The following CDKN2B-AS1 variants were observed in gnomAD, a reference collection of about 807,000 sequenced individuals.
The protein encoded by CDKN2B-AS1 is CDKN2B and CDKN2A antisense cis and trans regulatory RNA 1, also known as CDKN2B antisense RNA 1 (non-protein coding).
intron 4 of CDKN2B-AS1, among the ~76,000 whole-genome samples, chr9:22,117,403 G>C (rs1194994844): frequency 6.6e-6 from 1 of 152,126 alleles, no homozygotes; most frequent in Non-Finnish European, 1.5e-5. Flanking sequence ...TAAATGAAGG[G>C]TTGGGGGGGA....
In CDKN2B-AS1 at chr9:22,006,028, G is replaced by T; in HGVS notation, n.29+10867G>T. 6.2e-7 allele frequency: 1 copy of T among 1,604,008 alleles called. No individual in the cohort carries two copies. Among genetic ancestry groups the T allele is most frequent in the Non-Finnish European group, 8.5e-7 (1 of 1,179,544 alleles). ...GTGCGCAGGTACCCTGCAACGTCGC[G>T]GTGGCCCCGCTCCTCGGCCAAGTCC... On this transcript the variant is annotated intron_variant and non_coding_transcript_variant, in intron 1 of 4. Transcript: ENST00000650946. The surrounding 1 kb of genome is among the most constrained non-coding windows in gnomAD (Gnocchi z 6.4).
At chr9:22,101,457 A>G (rs908551471) in intron 4 of CDKN2B-AS1, among the ~76,000 whole-genome samples, 2 of 152,188 alleles carry the variant, frequency 1.3e-5, no homozygotes. Context: ...TATGGATGTT[A>G]TGTCAATTTT....
chr9:22,031,863 C>G (rs959261295), intron 1 of CDKN2B-AS1, among the ~76,000 whole-genome samples: 6 of 152,184 alleles, frequency 3.9e-5, no homozygotes, highest in Admixed American at 2.0e-4. Flanking sequence ...TCCTCTCTTG[C>G]TGGTTTTGAT....
Position 22,000,718 on chromosome 9 carries a change from T to G in CDKN2B-AS1, n.29+5557T>G, listed in dbSNP as rs540792913. Among the ~76,000 whole-genome samples the G allele has an allele frequency of 5.3e-5, 8 of 152,324 alleles. No homozygotes were observed. In the East Asian group the frequency reaches 1.5e-3, roughly 29 times the overall value. ...GAATAAACTGTTTCTTCTTTTATGTTTGTGTATTATTGCTTATAAATATAT... is the reference window on the plus strand; with the variant it reads ...GAATAAACTGTTTCTTCTTTTATGTGTGTGTATTATTGCTTATAAATATAT... On this transcript the variant is annotated intron_variant and non_coding_transcript_variant, in intron 1 of 4. Coordinates refer to ENST00000650946, the Ensembl canonical transcript of CDKN2B-AS1. This position sits in a 1 kb window ranked among gnomAD's most constrained non-coding sequence, Gnocchi z 4.1.
At chr9:22,101,435 A>C (rs531731705) in intron 4 of CDKN2B-AS1, among the ~76,000 whole-genome samples, 71 of 152,172 alleles carry the variant, frequency 4.7e-4, no homozygotes, top group Non-Finnish European at 9.4e-4. Flanking sequence ...AACAACTTTT[A>C]ATAAATTAAA....
chr9:22,086,969 G>A (rs1370940918), intron 4 of CDKN2B-AS1, among the ~76,000 whole-genome samples: 3 of 152,220 alleles, frequency 2.0e-5, no homozygotes, highest in African/African-American at 7.2e-5. Context: ...GGCAAGCCAT[G>A]TGAATTGCCT....
At chr9:22,019,037 G>A (rs1289171775) in intron 1 of CDKN2B-AS1, among the ~76,000 whole-genome samples, 2 of 152,172 alleles carry the variant, frequency 1.3e-5, no homozygotes, top group Non-Finnish European at 2.9e-5. Context: ...AAGGGGATGT[G>A]AGTCAGAAGA....
intron 1 of CDKN2B-AS1, among the ~76,000 whole-genome samples, chr9:22,008,259 C>T (rs1357280464): frequency 2.0e-5 from 3 of 152,162 alleles, no homozygotes; most frequent in Non-Finnish European, 4.4e-5. Flanking sequence ...TCTTATGCAT[C>T]ACTCATAAGA....
At chr9:22,067,681 A>T (rs1824115945) in intron 4 of CDKN2B-AS1, among the ~76,000 whole-genome samples, 1 of 152,208 alleles carries the variant, frequency 6.6e-6, no homozygotes, top group Admixed American at 6.5e-5. Flanking sequence ...AGCTGGCCAC[A>T]TAGCAGGGGT....
In CDKN2B-AS1 at chr9:22,047,610, T is replaced by C. The variant is rs778893599; in HGVS notation, n.179+710T>C. ...TATGATTCTTATAGCTCATTTATACTGTACAAAATTCTTCTGTCATTTTAT... is the reference window on the plus strand; with the variant it reads ...TATGATTCTTATAGCTCATTTATACCGTACAAAATTCTTCTGTCATTTTAT... On this transcript the variant is annotated intron_variant and non_coding_transcript_variant, in intron 2 of 4. Coordinates refer to ENST00000650946, the Ensembl canonical transcript of CDKN2B-AS1. Among the ~76,000 whole-genome samples, 70 of 152,188 alleles carry C rather than the reference T, an allele frequency of 4.6e-4. 1 individual carries two copies. The highest frequency in any genetic ancestry group is 3.2e-4 in the Non-Finnish European group (22 of 68,018).
At chr9:22,022,577 C>T (rs1021812495) in intron 1 of CDKN2B-AS1, among the ~76,000 whole-genome samples, 5 of 151,968 alleles carry the variant, frequency 3.3e-5, no homozygotes, top group African/African-American at 4.8e-5. Context: ...GACAGCATAC[C>T]GATGGGTCTT....
chr9:22,072,310 G>C (rs933384024), intron 4 of CDKN2B-AS1, among the ~76,000 whole-genome samples: 2 of 152,160 alleles, frequency 1.3e-5, no homozygotes, highest in East Asian at 1.9e-4. Flanking sequence ...ACGAAAGTAA[G>C]TTTCTAGTTT....
rs750528782 is a variant in CDKN2B-AS1 at position 22,005,996 on chromosome 9, C to T, written n.29+10835C>T. ...GCTGGGGAACCTGGCGTCAGTCCCCCGTGGCTGTGCGCAGGTACCCTGCAA... is the reference window on the plus strand; with the variant it reads ...GCTGGGGAACCTGGCGTCAGTCCCCTGTGGCTGTGCGCAGGTACCCTGCAA... On this transcript the variant is annotated intron_variant and non_coding_transcript_variant, in intron 1 of 4. Coordinates refer to ENST00000650946, the Ensembl canonical transcript of CDKN2B-AS1. This position sits in a 1 kb window ranked among gnomAD's most constrained non-coding sequence, Gnocchi z 4.9. 2.5e-6 allele frequency: 4 copies of T among 1,602,440 alleles called. No individual in the cohort carries two copies. The highest frequency in any genetic ancestry group is 2.2e-5 in the East Asian group (1 of 44,858).
At chr9:22,063,766 C>T (rs959353196) in intron 4 of CDKN2B-AS1, among the ~76,000 whole-genome samples, 23 of 152,204 alleles carry the variant, frequency 1.5e-4, no homozygotes, top group African/African-American at 5.1e-4. Flanking sequence ...AAACGAAGAC[C>T]CCGGAGCTGG....
exon 5 of CDKN2B-AS1, among the ~76,000 whole-genome samples, chr9:22,127,586 A>C (rs546379807): frequency 6.6e-6 from 1 of 152,146 alleles, no homozygotes; most frequent in African/African-American, 2.4e-5. Flanking sequence ...GTGTTTTTGG[A>C]GGGGAACTTT....
intron 4 of CDKN2B-AS1, chr9:22,096,410 T>G (rs1291092165): frequency 2.6e-5 from 4 of 152,102 alleles, no homozygotes; most frequent in Non-Finnish European, 5.9e-5. Context: ...ACATGCTCCC[T>G]CCCCTCATTG....
At chr9:22,017,155 A>T (rs978745531) in intron 1 of CDKN2B-AS1, among the ~76,000 whole-genome samples, 7 of 152,206 alleles carry the variant, frequency 4.6e-5, no homozygotes, top group African/African-American at 1.4e-4. Context: ...GGCGAGGCGC[A>T]GTGGCTCACG....
At chr9:22,126,385 AT>A (rs941868854) in intron 4 of CDKN2B-AS1, among the ~76,000 whole-genome samples, 3 of 152,184 alleles carry the variant, frequency 2.0e-5, no homozygotes, top group Admixed American at 6.5e-5. Context: ...TTGTAGGTTT[AT>A]TTTTTTGTCA....
intron 4 of CDKN2B-AS1, among the ~76,000 whole-genome samples, chr9:22,070,317 G>T (rs1460169373): frequency 6.6e-6 from 1 of 151,800 alleles, no homozygotes; most frequent in Non-Finnish European, 1.5e-5. Flanking sequence ...ATTTGGTCCT[G>T]GGAAAACACA....
Sources: allele counts gnomAD v4.1 joint callset (sites outside exome capture counted in the v4.1 genomes callset), GRCh38; gene constraint gnomAD v4.1.1; non-coding constraint Gnocchi (gnomAD v3.1); transcripts MANE v1.5; gene names NCBI Gene and HGNC (gene_info 2026-07-23, HGNC 2026-07-21).